The following UBE2K variants were observed in gnomAD, a reference collection of about 807,000 sequenced individuals.
UBE2K encodes ubiquitin conjugating enzyme E2 K.
Under a neutral mutation model 30.0 loss-of-function variants are expected in UBE2K, and 6 were observed. That is an observed-to-expected ratio of 0.20 (90% CI 0.11 to 0.39). UBE2K has a LOEUF of 0.39. Among genes scored for constraint, UBE2K ranks in the 10% least tolerant of loss-of-function variants. The pLI is 1.00. For synonymous variants in UBE2K, 86 were observed against 83.7 expected (o/e 1.03, Z -0.15); for missense variants, 61 against 241.6 (o/e 0.25, Z 4.96).
intron 1 of UBE2K, among the ~76,000 whole-genome samples, chr4:39,719,841 A>G (rs1719323314): frequency 1.3e-5 from 2 of 152,226 alleles, no homozygotes; most frequent in Admixed American, 6.5e-5. Flanking sequence ...CCTATTAGAC[A>G]TTCAGTTATT....
At chr4:39,772,617 G>C (rs1451466541) in intron 4 of UBE2K, among the ~76,000 whole-genome samples, 1 of 151,698 alleles carries the variant, frequency 6.6e-6, no homozygotes, top group South Asian at 2.1e-4. Context: ...TGGTAAAAAT[G>C]GGCATTCTCT....
intron 4 of UBE2K, among the ~76,000 whole-genome samples, chr4:39,760,106 G>A (rs1398002268): frequency 7.1e-6 from 1 of 139,976 alleles, no homozygotes; most frequent in Non-Finnish European, 1.5e-5. Context: ...GAACCTGGGA[G>A]GCAGAGGTTG....
chr4:39,768,447 CAAAAA>C (rs35005914), intron 4 of UBE2K, among the ~76,000 whole-genome samples: 5 of 88,122 alleles, frequency 5.7e-5, no homozygotes, highest in African/African-American at 1.8e-4. Flanking sequence ...ACTTCGTTTC[CAAAAA>C]AAAAAAAAAA....
intron 4 of UBE2K, among the ~76,000 whole-genome samples, chr4:39,763,804 G>C (rs1247863635): frequency 6.6e-6 from 1 of 152,114 alleles, no homozygotes; most frequent in African/African-American, 2.4e-5. Flanking sequence ...AGACTAGAGT[G>C]CTGTGGCTCA....
chr4:39,758,781 T>C (rs917054896), intron 4 of UBE2K, among the ~76,000 whole-genome samples: 14 of 152,210 alleles, frequency 9.2e-5, no homozygotes, highest in Non-Finnish European at 1.9e-4. Context: ...CTTGTAATTA[T>C]CTTCCTATAT....
At chr4:39,734,692 G>A (rs975065482) in intron 1 of UBE2K, among the ~76,000 whole-genome samples, 5 of 152,090 alleles carry the variant, frequency 3.3e-5, no homozygotes, top group Non-Finnish European at 5.9e-5. Context: ...CACACCTCTC[G>A]TCCCAGCGAC....
intron 2 of UBE2K, among the ~76,000 whole-genome samples, chr4:39,738,991 C>T (rs1216173977): frequency 3.3e-5 from 5 of 150,004 alleles, no homozygotes; most frequent in African/African-American, 1.2e-4. Context: ...TAAATACTTT[C>T]GAGTGGTTCT....
chr4:39,751,812 G>A (rs1721271827), intron 3 of UBE2K, among the ~76,000 whole-genome samples: 8 of 151,916 alleles, frequency 5.3e-5, no homozygotes, highest in Admixed American at 5.3e-4. Flanking sequence ...CTAAAAAATA[G>A]AAAAATTAGT....
intron 4 of UBE2K, among the ~76,000 whole-genome samples, chr4:39,762,830 C>A (rs1712044389): frequency 6.6e-6 from 1 of 151,622 alleles, no homozygotes. Context: ...GATGGTGTTT[C>A]ACTGTGTTGG....
At chr4:39,719,709 A>G (rs1275522511) in intron 1 of UBE2K, among the ~76,000 whole-genome samples, 2 of 152,154 alleles carry the variant, frequency 1.3e-5, no homozygotes, top group African/African-American at 2.4e-5. Context: ...TGTCATACCC[A>G]ATTTTGGGTT....
intron 1 of UBE2K, among the ~76,000 whole-genome samples, chr4:39,722,099 A>C (rs1031075863): frequency 7.2e-5 from 11 of 151,946 alleles, no homozygotes; most frequent in Non-Finnish European, 1.5e-4. Context: ...TCCAAAAAAA[A>C]CCCCAAACTT....
chr4:39,723,360 C>CTT (rs1453384095), intron 1 of UBE2K, among the ~76,000 whole-genome samples: 1 of 116,956 alleles, frequency 8.6e-6, no homozygotes, highest in Non-Finnish European at 1.7e-5. Context: ...CTGCTGTCTT[C>CTT]TCTTTTTTTT....
Position 39,706,599 on chromosome 4 carries a change from G to C in UBE2K, c.63+8209G>C, listed in dbSNP as rs909001430. 3.1e-4 allele frequency among the ~76,000 whole-genome samples: 46 copies of C among 150,380 alleles called. 1 individual carries two copies. The highest frequency in any genetic ancestry group is 1.1e-3 in the African/African-American group (46 of 40,866). ...CGGTTCTCCTGCCTCAGCCTACCAAGTAGCTGGGATTACAGGCGCGCCCCA... is the reference window on the plus strand; with the variant it reads ...CGGTTCTCCTGCCTCAGCCTACCAACTAGCTGGGATTACAGGCGCGCCCCA... On this transcript the variant is annotated intron_variant, in intron 1 of 6. Transcript: ENST00000261427.
intron 1 of UBE2K, among the ~76,000 whole-genome samples, chr4:39,705,290 C>T (rs140879432): frequency 0.011 from 1,685 of 150,594 alleles, 38 homozygotes; most frequent in African/African-American, 0.038. Context: ...CTCTGCCTCC[C>T]GGGTTCAAGC....
Position 39,771,350 on chromosome 4 carries a change from C to A in UBE2K, c.300-3484C>A. On this transcript the variant is annotated intron_variant, in intron 4 of 6. Transcript: ENST00000261427. ...ACAATGGTCACGTCGCAGAACCACT[C>A]CTCTGCCCGGAGCTTGTTCATGTTC... 1.9e-6 allele frequency: 3 copies of A among 1,612,718 alleles called. No individual in the cohort carries two copies. The South Asian group carries it at 3.3e-5, about 18-fold the overall frequency.
chr4:39,770,928 G>A (rs552723035), intron 4 of UBE2K: 31 of 1,567,358 alleles, frequency 2.0e-5, no homozygotes, highest in Middle Eastern at 3.9e-4. Context: ...GGATAGAGGA[G>A]GTGGGGGGTG....
intron 6 of UBE2K, 107 bp from the exon 7 acceptor site, chr4:39,778,253 A>G (rs1713396729): frequency 1.8e-6 from 1 of 570,172 alleles, no homozygotes; most frequent in Non-Finnish European, 2.9e-6. Flanking sequence ...AAATCAACTT[A>G]CAGAAAAGAA....
At chr4:39,770,583 C>G (rs1436702669) in intron 4 of UBE2K, 3 of 1,582,240 alleles carry the variant, frequency 1.9e-6, no homozygotes, top group Non-Finnish European at 2.6e-6. Flanking sequence ...GGCCCCCACG[C>G]TGGCCCGGCC....
rs76474358 is a variant in UBE2K, at chr4:39,748,572, G to A, written c.216+2762G>A. On this transcript the variant is annotated intron_variant, in intron 3 of 6. Coordinates refer to ENST00000261427, the MANE Select transcript of UBE2K (RefSeq NM_005339.5). ...AGGCAGGAGAAGCGTTTGAGCTCGGGAGTTTGAGTTCAGCCTGGACAACAT... is the reference window on the plus strand; with the variant it reads ...AGGCAGGAGAAGCGTTTGAGCTCGGAAGTTTGAGTTCAGCCTGGACAACAT... Among the ~76,000 whole-genome samples the A allele has an allele frequency of 9.4e-3, 1,422 of 151,328 alleles. 22 individuals carry two copies. The highest frequency in any genetic ancestry group is 0.033 in the African/African-American group (1,360 of 41,216).
Sources: gnomAD v4.1 joint callset for allele counts (sites outside exome capture counted in the v4.1 genomes callset) on GRCh38, gnomAD v4.1.1 for gene constraint, MANE v1.5 for transcripts, NCBI Gene and HGNC (gene_info 2026-07-23, HGNC 2026-07-21) for gene names.